The following FGF13 variants were observed in gnomAD, a reference collection of about 807,000 sequenced individuals.
FGF13 encodes the protein fibroblast growth factor 13.
A neutral mutation model predicts 19.5 loss-of-function variants in FGF13; 2 were observed. That is an observed-to-expected ratio of 0.10 (90% CI 0.04 to 0.32). FGF13 has a LOEUF of 0.32. Ranked by LOEUF, FGF13 falls within the 10% of genes least tolerant of loss-of-function variation. The pLI, the probability that FGF13 is intolerant of heterozygous loss-of-function variation, is 1.00. For missense variants in FGF13, 113 were observed against 192.7 expected (o/e 0.59, Z 2.45); for synonymous variants, 72 against 76.9 (o/e 0.94, Z 0.33).
chrX:139,093,912 C>A (rs2083454331), intron 1 of FGF13, among the ~76,000 whole-genome samples: 1 of 112,197 alleles, frequency 8.9e-6, no homozygotes, highest in African/African-American at 3.2e-5. Flanking sequence ...ATTCTCCCAA[C>A]ATTTCATGGT....
chrX:138,934,753 A>G (rs1229855626), intron 1 of FGF13, among the ~76,000 whole-genome samples: 1 of 112,091 alleles, frequency 8.9e-6, no homozygotes, highest in Admixed American at 9.4e-5. Flanking sequence ...ATTGATCCTC[A>G]TCCTCATACA....
chrX:138,852,807 C>T (rs1436822893), downstream of FGF13, among the ~76,000 whole-genome samples: 1 of 111,615 alleles, frequency 9.0e-6, no homozygotes, highest in African/African-American at 3.3e-5. Context: ...ATCTGTCTAT[C>T]TGGCAAAGGT....
At chrX:138,968,844 T>A (rs1430935042) in intron 1 of FGF13, among the ~76,000 whole-genome samples, 1 of 111,980 alleles carries the variant, frequency 8.9e-6, no homozygotes, top group East Asian at 2.8e-4. Context: ...ACAAAAAAGT[T>A]GTAGAAATAA....
chrX:138,790,054 A>C (rs1271320281), intron 3 of FGF13, among the ~76,000 whole-genome samples: 1 of 95,798 alleles, frequency 1.0e-5, no homozygotes, highest in East Asian at 3.4e-4. Context: ...AAAAAAAAAA[A>C]AAAAAAAAAA....
chrX:138,723,269 G>A (rs2090159922), intron 1 of FGF13, among the ~76,000 whole-genome samples: 1 of 111,841 alleles, frequency 8.9e-6, no homozygotes, highest in Admixed American at 9.5e-5. Context: ...CTCAGAGATG[G>A]TAAAACTACC....
chrX:138,841,219 C>G (rs1373160207), intron 3 of FGF13, among the ~76,000 whole-genome samples: 1 of 110,928 alleles, frequency 9.0e-6, no homozygotes, highest in Admixed American at 9.6e-5. Flanking sequence ...CAGGTCATGC[C>G]TAGGCTTTAA....
At position 139,045,988 on chromosome X, in the gene FGF13, C is replaced by T. The variant is rs781420450; in HGVS notation, c.-113+157428G>A. On this transcript the variant is annotated intron_variant, in intron 1 of 2. Transcript: ENST00000421460. Reference sequence around the variant, plus strand: ...TCTCAGTCATCTTTATAGCAATACCCCACTCGTGGTACCAATTTTCTGTGT... The same window carrying T: ...TCTCAGTCATCTTTATAGCAATACCTCACTCGTGGTACCAATTTTCTGTGT... Among the ~76,000 whole-genome samples the T allele has an allele frequency of 8.0e-5, 9 of 111,808 alleles. No individual in the cohort carries two copies. In the East Asian group the frequency reaches 2.5e-3, roughly 32 times the overall value.
chrX:138,849,747 G>A (rs1273695386), intron 3 of FGF13, among the ~76,000 whole-genome samples: 1 of 111,863 alleles, frequency 8.9e-6, no homozygotes, highest in Non-Finnish European at 1.9e-5. Context: ...CATCCCAAGA[G>A]CATGTTGCCA....
At chrX:138,799,613 C>A (rs1569397884) in intron 3 of FGF13, among the ~76,000 whole-genome samples, 2 of 111,022 alleles carry the variant, frequency 1.8e-5, no homozygotes, top group African/African-American at 6.6e-5. Context: ...CCTGAATATC[C>A]TTTTTAATGT....
At chrX:138,715,527 A>G (rs1294259001), upstream of FGF13, among the ~76,000 whole-genome samples, 1 of 112,008 alleles carries the variant, frequency 8.9e-6, no homozygotes, top group African/African-American at 3.2e-5. Context: ...TCATTGTATG[A>G]TTTCTTACGT....
chrX:139,004,262 G>T (rs1257374647), intron 1 of FGF13, among the ~76,000 whole-genome samples: 1 of 112,835 alleles, frequency 8.9e-6, no homozygotes, highest in Non-Finnish European at 1.9e-5. Context: ...CGCAGCCACT[G>T]GCCCGGGTGA....
intron 3 of FGF13, among the ~76,000 whole-genome samples, chrX:138,694,589 T>G (rs1256452410): frequency 9.3e-6 from 1 of 107,608 alleles, no homozygotes; most frequent in Non-Finnish European, 1.9e-5. Context: ...TAGCTGGGAC[T>G]ACAGGCGCCT....
intron 3 of FGF13, among the ~76,000 whole-genome samples, chrX:138,824,422 C>T (rs766345202): frequency 1.8e-5 from 2 of 111,524 alleles, no homozygotes; most frequent in Non-Finnish European, 3.8e-5. Flanking sequence ...AGTGGCAAAG[C>T]TGTATCCTAA....
In FGF13 at chrX:138,830,222, G is replaced by C. The variant is rs1314705016; in HGVS notation, c.217+27290C>G. Among the ~76,000 whole-genome samples the C allele has an allele frequency of 2.7e-5, 3 of 112,117 alleles. No individual in the cohort carries two copies. The East Asian group carries it at 8.4e-4, about 31-fold the overall frequency. ...GGCTAGAGAAAGCCTAGATGGCTGT[G>C]AATAGAATGTTAAGGGGGATTCTGG... On this transcript the variant is annotated intron_variant, in intron 3 of 6. Coordinates refer to the FGF13 transcript ENST00000436198.
At chrX:138,897,006 G>A (rs1218543534) in intron 1 of FGF13, among the ~76,000 whole-genome samples, 1 of 111,805 alleles carries the variant, frequency 8.9e-6, no homozygotes, top group African/African-American at 3.3e-5. Context: ...CCACTTCAGA[G>A]GCAAGACAGA....
intron 3 of FGF13, among the ~76,000 whole-genome samples, chrX:138,677,329 G>C (rs1234698999): frequency 9.1e-6 from 1 of 109,750 alleles, no homozygotes; most frequent in Non-Finnish European, 1.9e-5. Flanking sequence ...TGACAAATGG[G>C]ATCTAATTAA....
intron 3 of FGF13, among the ~76,000 whole-genome samples, chrX:138,765,416 T>A (rs1426714553): frequency 3.6e-5 from 4 of 111,530 alleles, no homozygotes; most frequent in Non-Finnish European, 7.5e-5. Context: ...TCCACCAGCT[T>A]ATTTGACATA....
At chrX:138,735,635 A>G (rs1165276661) in intron 1 of FGF13, among the ~76,000 whole-genome samples, 1 of 112,279 alleles carries the variant, frequency 8.9e-6, no homozygotes, top group Non-Finnish European at 1.9e-5. Context: ...CTAAATAGTA[A>G]GAAACACCAA....
intron 3 of FGF13, among the ~76,000 whole-genome samples, chrX:138,639,033 C>A (rs140728269): frequency 0.014 from 1,557 of 111,598 alleles, 28 homozygotes; most frequent in African/African-American, 0.048. Flanking sequence ...AAGGAGTGTT[C>A]TGTTCTCTGT....
Sources: gnomAD v4.1 joint callset for allele counts (sites outside exome capture counted in the v4.1 genomes callset) on GRCh38, gnomAD v4.1.1 for gene constraint, MANE v1.5 for transcripts, NCBI Gene and HGNC (gene_info 2026-07-23, HGNC 2026-07-21) for gene names.